Variants in CACNB4 observed in about 807,000 individuals in gnomAD.
CACNB4 encodes calcium voltage-gated channel auxiliary subunit beta 4.
Under a neutral mutation model 71.2 loss-of-function variants are expected in CACNB4, and 32 were observed. The ratio of observed to expected loss-of-function variants is 0.45; its 90% CI spans 0.34 to 0.60. CACNB4 has a LOEUF of 0.60. Ranked by LOEUF, CACNB4 falls within the 20% of genes least tolerant of loss-of-function variation. The pLI, the probability that CACNB4 is intolerant of heterozygous loss-of-function variation, is 0.01. For synonymous variants in CACNB4, 231 were observed against 236.9 expected (o/e 0.97, Z 0.23); for missense variants, 464 against 647.9 (o/e 0.72, Z 3.08).
intron 2 of CACNB4, among the ~76,000 whole-genome samples, chr2:152,051,975 G>A (rs549115023): frequency 6.6e-6 from 1 of 152,328 alleles, no homozygotes; most frequent in South Asian, 2.1e-4. Context: ...AAGCCCTCTT[G>A]TATCTGGCTT....
chr2:151,947,882 G>A (rs949592644), intron 2 of CACNB4, among the ~76,000 whole-genome samples: 4 of 152,198 alleles, frequency 2.6e-5, no homozygotes, highest in African/African-American at 9.7e-5. Flanking sequence ...CTTAAAAAGG[G>A]AAGAGAAAGC....
chr2:152,090,969 G>A (rs1351666262), intron 2 of CACNB4, among the ~76,000 whole-genome samples: 4 of 151,822 alleles, frequency 2.6e-5, no homozygotes, highest in African/African-American at 9.7e-5. Context: ...GCTTGAACCT[G>A]GGAGGGAGAG....
intron 12 of CACNB4, among the ~76,000 whole-genome samples, chr2:151,849,401 C>A (rs922686497): frequency 6.6e-6 from 1 of 152,008 alleles, no homozygotes; most frequent in Non-Finnish European, 1.5e-5. Flanking sequence ...AGGACTATGC[C>A]CAGCTAATTT....
intron 2 of CACNB4, among the ~76,000 whole-genome samples, chr2:152,044,085 G>GA (rs577238951): frequency 7.7e-4 from 117 of 151,994 alleles, no homozygotes; most frequent in African/African-American, 2.6e-3. Flanking sequence ...AGAATTACAA[G>GA]AAAAAAATCC....
rs745493555 is a variant in CACNB4 at position 152,098,936 on chromosome 2, GA to G, written c.63+12del. ...AGAGGAGGAAGAGGAGAAGGGGGAG[GA>G]GGGGGCGGTACCTGCGAGGTGGGGG... On this transcript the variant is annotated intron_variant, in intron 1 of 13. Transcript: ENST00000539935. This position sits in a 1 kb window ranked among gnomAD's most constrained non-coding sequence, Gnocchi z 5.3. The G allele has an allele frequency of 3.6e-6, 5 of 1,403,202 alleles. No individual in the cohort carries two copies. Among genetic ancestry groups the G allele is most frequent in the Non-Finnish European group, 3.8e-6 (4 of 1,048,048 alleles). 86.9% of individuals were successfully genotyped at this position (1,403,202 alleles called of 1,614,324 possible). A position where few individuals can be genotyped will look rare whatever the true frequency, so the allele number is the denominator to read the frequency against.
chr2:151,933,581 A>C (rs552740156), intron 2 of CACNB4, among the ~76,000 whole-genome samples: 28 of 152,166 alleles, frequency 1.8e-4, no homozygotes, highest in Non-Finnish European at 3.8e-4. Flanking sequence ...CCTGGACTCA[A>C]AGCTGGGTCT....
chr2:151,879,303 G>C (rs376812317), intron 4 of CACNB4, among the ~76,000 whole-genome samples: 1 of 152,182 alleles, frequency 6.6e-6, no homozygotes, highest in African/African-American at 2.4e-5. Context: ...AGGAAACAGC[G>C]AAAGCACAGT....
intron 2 of CACNB4, among the ~76,000 whole-genome samples, chr2:151,928,269 C>G (rs888443540): frequency 6.6e-6 from 1 of 152,162 alleles, no homozygotes; most frequent in Non-Finnish European, 1.5e-5. Context: ...CAAACAGGAG[C>G]TTTTGACCAG....
chr2:152,086,014 A>G (rs1470377222), intron 2 of CACNB4, among the ~76,000 whole-genome samples: 4 of 152,094 alleles, frequency 2.6e-5, no homozygotes, highest in East Asian at 1.9e-4. Flanking sequence ...TCTTCTTACT[A>G]AAGAGGGGAA....
chr2:151,989,894 C>T (rs1221256935), intron 2 of CACNB4, among the ~76,000 whole-genome samples: 3 of 152,146 alleles, frequency 2.0e-5, no homozygotes, highest in Admixed American at 6.5e-5. Context: ...CTTGATGCTT[C>T]CCTTCCCCCT....
chr2:152,080,748 G>A (rs1020732057), intron 2 of CACNB4, among the ~76,000 whole-genome samples: 1 of 152,068 alleles, frequency 6.6e-6, no homozygotes, highest in African/African-American at 2.4e-5. Flanking sequence ...TTAGAGGCAG[G>A]GCTTACCTAG....
chr2:151,966,007 C>G (rs1020376230), intron 2 of CACNB4, among the ~76,000 whole-genome samples: 1 of 152,170 alleles, frequency 6.6e-6, no homozygotes, highest in Non-Finnish European at 1.5e-5. Context: ...TCAGTATGTA[C>G]AAAACACCGT....
At chr2:152,033,677 T>G (rs990187345) in intron 2 of CACNB4, among the ~76,000 whole-genome samples, 2 of 152,076 alleles carry the variant, frequency 1.3e-5, no homozygotes, top group Non-Finnish European at 2.9e-5. Flanking sequence ...GAAAAAAAAT[T>G]TTCTCCCCTA....
intron 2 of CACNB4, among the ~76,000 whole-genome samples, chr2:151,942,755 G>A (rs994811470): frequency 6.6e-6 from 1 of 152,136 alleles, no homozygotes; most frequent in Non-Finnish European, 1.5e-5. Flanking sequence ...TTGAGATAAG[G>A]ACTGAGATAT....
At chr2:151,997,114 C>A (rs1339471750) in intron 2 of CACNB4, among the ~76,000 whole-genome samples, 1 of 152,098 alleles carries the variant, frequency 6.6e-6, no homozygotes, top group East Asian at 1.9e-4. Flanking sequence ...GCATTCAAAT[C>A]CCTGGAACCT....
intron 2 of CACNB4, among the ~76,000 whole-genome samples, chr2:151,912,391 A>G (rs1273609552): frequency 6.6e-6 from 1 of 152,202 alleles, no homozygotes; most frequent in African/African-American, 2.4e-5. Context: ...GGTTTCAAAG[A>G]ACTTCTTGAT....
chr2:151,853,348 T>A (rs935650667), intron 12 of CACNB4, 100 bp downstream of exon 12: 1 of 672,296 alleles, frequency 1.5e-6, no homozygotes, highest in Non-Finnish European at 2.5e-6. Context: ...CATACCATCA[T>A]CACCATCATT....
intron 2 of CACNB4, among the ~76,000 whole-genome samples, chr2:152,042,354 C>CTTAT (rs1684918162): frequency 6.6e-6 from 1 of 152,152 alleles, no homozygotes; most frequent in Non-Finnish European, 1.5e-5. Flanking sequence ...TCTTATATGT[C>CTTAT]GTAGCTTGCC....
intron 2 of CACNB4, among the ~76,000 whole-genome samples, chr2:151,900,356 C>A (rs946056926): frequency 2.4e-4 from 36 of 152,212 alleles, no homozygotes; most frequent in Non-Finnish European, 2.1e-4. Flanking sequence ...GGTGATGAGG[C>A]CAAGAAAGGT....
Sources: allele counts gnomAD v4.1 joint callset (sites outside exome capture counted in the v4.1 genomes callset), GRCh38; gene constraint gnomAD v4.1.1; non-coding constraint Gnocchi (gnomAD v3.1); transcripts MANE v1.5; gene names NCBI Gene and HGNC (gene_info 2026-07-23, HGNC 2026-07-21).